The following KCNIP1 variants were observed in gnomAD, a reference collection of about 807,000 sequenced individuals.
KCNIP1 encodes potassium voltage-gated channel interacting protein 1.
Under a neutral mutation model 33.0 loss-of-function variants are expected in KCNIP1, and 18 were observed. The observed-to-expected ratio is 0.55, with a 90% confidence interval of 0.38 to 0.81. KCNIP1 has a LOEUF of 0.81. KCNIP1 is among the 30% of genes least tolerant of loss of function. The pLI, the probability that KCNIP1 is intolerant of heterozygous loss-of-function variation, is 0.00. For synonymous variants in KCNIP1, 93 were observed against 98.3 expected, an observed-to-expected ratio of 0.95 and a Z score of 0.32; for missense variants, 238 against 271.6, an observed-to-expected ratio of 0.88 and a Z score of 0.87.
chr5:170,698,636 C>G (rs1044065811), intron 1 of KCNIP1, among the ~76,000 whole-genome samples: 9 of 151,728 alleles, frequency 5.9e-5, no homozygotes, highest in African/African-American at 1.9e-4. Flanking sequence ...CCCAATTGTA[C>G]CACCCCACCC....
chr5:170,586,091 G>A (rs1046735532), intron 1 of KCNIP1, among the ~76,000 whole-genome samples: 1 of 152,158 alleles, frequency 6.6e-6, no homozygotes, highest in Non-Finnish European at 1.5e-5. Context: ...TGTAAAATGG[G>A]GATAATTAAT....
At chr5:170,664,926 G>T (rs542500365) in intron 1 of KCNIP1, among the ~76,000 whole-genome samples, 2 of 152,038 alleles carry the variant, frequency 1.3e-5, no homozygotes, top group Non-Finnish European at 2.9e-5. Flanking sequence ...GTTGACTCCC[G>T]AACTAACTGA....
intron 1 of KCNIP1, among the ~76,000 whole-genome samples, chr5:170,491,251 G>C (rs1451538533): frequency 6.6e-6 from 1 of 152,176 alleles, no homozygotes; most frequent in Non-Finnish European, 1.5e-5. Flanking sequence ...ATCAATGGTA[G>C]ATGAATGAAT....
At chr5:170,405,935 T>C (rs1472700214) in intron 1 of KCNIP1, among the ~76,000 whole-genome samples, 1 of 152,214 alleles carries the variant, frequency 6.6e-6, no homozygotes, top group Non-Finnish European at 1.5e-5. Context: ...CACCAAGATT[T>C]GTCCCACATC....
At chr5:170,658,810 G>A (rs1270279308) in intron 1 of KCNIP1, among the ~76,000 whole-genome samples, 1 of 152,144 alleles carries the variant, frequency 6.6e-6, no homozygotes, top group Non-Finnish European at 1.5e-5. Context: ...GACGGTCACT[G>A]CAAGACTGCA....
At position 170,695,566 on chromosome 5, in the gene KCNIP1, C is replaced by A. The variant is rs1452741299; in HGVS notation, c.62-23192C>A. ...TGTCATACTTGATTCATTCACATTG[C>A]TGTGTAACATTTCATTGTGTGACTA... On this transcript the variant is annotated intron_variant, in intron 1 of 7. Coordinates refer to ENST00000328939, the MANE Select transcript of KCNIP1 (RefSeq NM_014592.4). 3.3e-5 allele frequency among the ~76,000 whole-genome samples: 5 copies of A among 152,348 alleles called. No individual in the cohort carries two copies. The East Asian group carries it at 9.7e-4, about 29-fold the overall frequency.
intron 1 of KCNIP1, among the ~76,000 whole-genome samples, chr5:170,594,808 G>A (rs989738669): frequency 6.6e-6 from 1 of 152,180 alleles, no homozygotes; most frequent in African/African-American, 2.4e-5. Flanking sequence ...ACTGCACCCA[G>A]CCTAACTACA....
intron 1 of KCNIP1, among the ~76,000 whole-genome samples, chr5:170,404,764 C>A (rs1437059198): frequency 6.6e-6 from 1 of 152,188 alleles, no homozygotes; most frequent in Non-Finnish European, 1.5e-5. Flanking sequence ...AAGTTTATTT[C>A]TTGATGGAGG....
intron 1 of KCNIP1, among the ~76,000 whole-genome samples, chr5:170,631,299 G>A (rs948498344): frequency 3.9e-5 from 6 of 152,122 alleles, no homozygotes; most frequent in African/African-American, 1.2e-4. Flanking sequence ...ACCAAAGAAT[G>A]TGTGTGAGAG....
intron 1 of KCNIP1, among the ~76,000 whole-genome samples, chr5:170,641,033 AAT>A (rs1165256658): frequency 6.6e-6 from 1 of 152,144 alleles, no homozygotes; most frequent in African/African-American, 2.4e-5. Context: ...AAGTAGAAAG[AAT>A]ATGTTTTGGC....
chr5:170,699,260 C>A (rs968552768), intron 1 of KCNIP1, among the ~76,000 whole-genome samples: 3 of 152,098 alleles, frequency 2.0e-5, no homozygotes, highest in Non-Finnish European at 4.4e-5. Flanking sequence ...ATGATATAGA[C>A]AAAGATGAGA....
intron 1 of KCNIP1, among the ~76,000 whole-genome samples, chr5:170,560,366 C>T (rs191326958): frequency 5.9e-5 from 9 of 152,302 alleles, no homozygotes; most frequent in Admixed American, 1.3e-4. Flanking sequence ...GCTGGAGGAA[C>T]ACAGCCAGAA....
Position 170,407,006 on chromosome 5 carries a change from C to G in KCNIP1, c.88+53042C>G, listed in dbSNP as rs77534898. The stretch of plus-strand genomic sequence containing the variant: ...CCAAGAAGTCCATACTGTTCTCTTG[C>G]TCGCAAGATACTCAGCCTATGAAAT... On this transcript the variant is annotated intron_variant, in intron 1 of 7. Transcript: ENST00000377360. 8.4e-3 allele frequency among the ~76,000 whole-genome samples: 1,279 copies of G among 152,354 alleles called. 14 individuals are homozygous for G. Among genetic ancestry groups the G allele is most frequent in the Non-Finnish European group, 0.015 (1,000 of 68,038 alleles).
At chr5:170,617,369 G>A (rs1561720322) in intron 1 of KCNIP1, among the ~76,000 whole-genome samples, 1 of 152,052 alleles carries the variant, frequency 6.6e-6, no homozygotes, top group East Asian at 1.9e-4. Context: ...ATGGGTAGTG[G>A]AAAGCTGGAC....
At chr5:170,711,369 C>T (rs1312197445) in intron 1 of KCNIP1, among the ~76,000 whole-genome samples, 2 of 152,216 alleles carry the variant, frequency 1.3e-5, no homozygotes, top group African/African-American at 4.8e-5. Context: ...CTCCTAATAC[C>T]TAAGACATTC....
intron 1 of KCNIP1, among the ~76,000 whole-genome samples, chr5:170,557,800 A>G (rs189854657): frequency 3.0e-4 from 46 of 152,318 alleles, no homozygotes; most frequent in African/African-American, 1.1e-3. Flanking sequence ...AAGTAGCTAG[A>G]GGTCAAATCA....
chr5:170,556,801 C>T (rs577313532), intron 1 of KCNIP1, among the ~76,000 whole-genome samples: 32 of 152,346 alleles, frequency 2.1e-4, no homozygotes, highest in African/African-American at 6.3e-4. Flanking sequence ...GGAGGCCCCA[C>T]CTTCAATGCA....
At chr5:170,436,522 G>A (rs1165841026) in intron 1 of KCNIP1, among the ~76,000 whole-genome samples, 1 of 152,222 alleles carries the variant, frequency 6.6e-6, no homozygotes, top group Non-Finnish European at 1.5e-5. Flanking sequence ...GAGGGAACAC[G>A]GAAACCCCGA....
chr5:170,391,231 G>T (rs1273903547), intron 1 of KCNIP1, among the ~76,000 whole-genome samples: 3 of 152,150 alleles, frequency 2.0e-5, no homozygotes, highest in African/African-American at 7.2e-5. Context: ...GCTTCCCTGG[G>T]GGAGAGATAC....
Sources: gnomAD v4.1 joint callset for allele counts (sites outside exome capture counted in the v4.1 genomes callset) on GRCh38, gnomAD v4.1.1 for gene constraint, MANE v1.5 for transcripts, NCBI Gene and HGNC (gene_info 2026-07-23, HGNC 2026-07-21) for gene names.